RNF115: variants seen among roughly 807,000 people sequenced by gnomAD.
RNF115 encodes the protein ring finger protein 115.
Under a neutral mutation model 39.2 loss-of-function variants are expected in RNF115, and 31 were observed. The ratio of observed to expected loss-of-function variants is 0.79; its 90% CI spans 0.59 to 1.07. RNF115 has a LOEUF of 1.07. RNF115 is among the 50% of genes least tolerant of loss of function. The pLI is 0.00. For synonymous variants in RNF115, 124 were observed against 131.0 expected (o/e 0.95, Z 0.37); for missense variants, 384 against 381.7 (o/e 1.01, Z -0.05).
intron 4 of RNF115, among the ~76,000 whole-genome samples, chr1:145,769,185 C>T (rs1553715414): frequency 2.0e-5 from 3 of 152,140 alleles, no homozygotes; most frequent in Admixed American, 2.0e-4. Flanking sequence ...ACTATCCTGG[C>T]TCCAATATTT....
At chr1:145,770,321 T>C (rs887124752) in intron 4 of RNF115, among the ~76,000 whole-genome samples, 6 of 152,182 alleles carry the variant, frequency 3.9e-5, no homozygotes, top group African/African-American at 7.2e-5. Flanking sequence ...AACGCAAGTA[T>C]AGTAAAATGT....
chr1:145,775,367 TATAATA>T (rs1242554777), intron 3 of RNF115, among the ~76,000 whole-genome samples: 2 of 150,936 alleles, frequency 1.3e-5, no homozygotes, highest in African/African-American at 2.4e-5. Flanking sequence ...TATAACAATA[TATAATA>T]ATAAAAGTTT....
At chr1:145,790,074 C>T (rs1328273569) in intron 1 of RNF115, among the ~76,000 whole-genome samples, 2 of 152,140 alleles carry the variant, frequency 1.3e-5, no homozygotes, top group African/African-American at 4.8e-5. Context: ...TCATAGCTAC[C>T]TAAGTGGTTT....
In RNF115 at chr1:145,746,800, T is replaced by A. The variant is rs1657893490; in HGVS notation, c.*66A>T. ...CTAAATCCATCTACTAATTTTTTGT[T>A]TTGATACAATTTACAGCTATGGTAA... On this transcript the variant is annotated 3_prime_UTR_variant, in exon 9 of 9. Coordinates refer to ENST00000582693, the MANE Select transcript of RNF115 (RefSeq NM_014455.4). 6.5e-7 allele frequency: 1 copy of A among 1,528,556 alleles called. No individual in the cohort carries two copies. The highest frequency in any genetic ancestry group is 8.9e-7 in the Non-Finnish European group (1 of 1,127,036). 94.7% of individuals were successfully genotyped at this position (1,528,556 alleles called of 1,614,324 possible). A position where few individuals can be genotyped will look rare whatever the true frequency, so the allele number is the denominator to read the frequency against.
Position 145,764,370 on chromosome 1 carries a change from C to T in RNF115, c.428+7341G>A, listed in dbSNP as rs587735201. Among the ~76,000 whole-genome samples, 348 of 145,596 alleles carry T rather than the reference C, an allele frequency of 2.4e-3. 2 individuals carry two copies. Among genetic ancestry groups the T allele is most frequent in the African/African-American group, 8.4e-3 (331 of 39,200 alleles). On this transcript the variant is annotated intron_variant, in intron 4 of 8. Transcript: ENST00000582693. The stretch of plus-strand genomic sequence containing the variant: ...GAAGTGAGGAGCGTCTCTGCCCGGC[C>T]GCCATCCCATCTAGGAAGTGAGGAG...
chr1:145,767,548 GCTC>G (rs1647399001), intron 4 of RNF115, among the ~76,000 whole-genome samples: 1 of 152,188 alleles, frequency 6.6e-6, no homozygotes, highest in African/African-American at 2.4e-5. Context: ...AGGCAGAGAC[GCTC>G]CTCACTTCCC....
chr1:145,808,753 T>C (rs1570689921), intron 1 of RNF115, among the ~76,000 whole-genome samples: 1 of 152,306 alleles, frequency 6.6e-6, no homozygotes, highest in African/African-American at 2.4e-5. Context: ...ACCTAACTTG[T>C]CTTAACTAGG....
intron 4 of RNF115, among the ~76,000 whole-genome samples, chr1:145,766,528 T>C (rs1177687532): frequency 1.1e-4 from 16 of 143,600 alleles, no homozygotes; most frequent in African/African-American, 3.4e-4. Context: ...CCAGACGGGG[T>C]GGTGGCCGGG....
rs781845806 is a variant in RNF115 at position 145,751,639 on chromosome 1, G to A, written c.501-129C>T. 1.8e-4 allele frequency: 100 copies of A among 549,018 alleles called. 1 individual carries two copies. The highest frequency in any genetic ancestry group is 1.8e-4 in the Non-Finnish European group (55 of 299,888). 34.0% of individuals were successfully genotyped at this position (549,018 alleles called of 1,614,324 possible). A position where few individuals can be genotyped will look rare whatever the true frequency, so the allele number is the denominator to read the frequency against. On this transcript the variant is annotated intron_variant, in intron 5 of 8. Coordinates refer to ENST00000582693, the MANE Select transcript of RNF115 (RefSeq NM_014455.4). ...AAAGTCACTAGTCCTCCAGGATCAA[G>A]AGGCAAAGAATTCTGTACATTTTCA...
At chr1:145,763,485 A>T (rs1436537801) in intron 4 of RNF115, among the ~76,000 whole-genome samples, 2 of 152,176 alleles carry the variant, frequency 1.3e-5, no homozygotes, top group Non-Finnish European at 2.9e-5. Context: ...ATCACTTGAG[A>T]TCAGGAGTTC....
chr1:145,792,027 G>A (rs1471199844), intron 1 of RNF115, among the ~76,000 whole-genome samples: 1 of 151,940 alleles, frequency 6.6e-6, no homozygotes, highest in Non-Finnish European at 1.5e-5. Context: ...GACCTCCAGG[G>A]CTCAGGCAAT....
At chr1:145,757,392 G>T (rs2101480902) in intron 4 of RNF115, among the ~76,000 whole-genome samples, 1 of 152,252 alleles carries the variant, frequency 6.6e-6, no homozygotes, top group South Asian at 2.1e-4. Context: ...TGGTGGATGT[G>T]GCTTTTGCCT....
At chr1:145,805,145 C>T (rs782588591) in intron 1 of RNF115, among the ~76,000 whole-genome samples, 26 of 152,042 alleles carry the variant, frequency 1.7e-4, no homozygotes, top group Admixed American at 3.3e-4. Flanking sequence ...AACTCTTCAT[C>T]GAAATAAAAG....
intron 3 of RNF115, among the ~76,000 whole-genome samples, chr1:145,777,264 A>T (rs2101544008): frequency 6.6e-6 from 1 of 152,326 alleles, no homozygotes; most frequent in South Asian, 2.1e-4. Context: ...CTGGCAGAAA[A>T]GTCAAGCACC....
intron 4 of RNF115, among the ~76,000 whole-genome samples, chr1:145,768,390 AC>A (rs1647480353): frequency 6.6e-6 from 1 of 152,188 alleles, no homozygotes. Context: ...ATCTCGGCTC[AC>A]TGCAACCTCC....
chr1:145,744,165 T>G lies in RNF115; in HGVS notation c.*2701A>C, dbSNP rs1295505103. The G allele has an allele frequency of 6.6e-6, 1 of 152,332 alleles. No homozygotes were observed. Among genetic ancestry groups the G allele is most frequent in the Non-Finnish European group, 1.5e-5 (1 of 68,056 alleles). The allele number at this position is 152,332 out of a possible 1,614,324, so 9.4% of individuals were successfully genotyped here. A position where few individuals can be genotyped will look rare whatever the true frequency, so the allele number is the denominator to read the frequency against. ...AACTACAACTGCCTGTCCTGGCATC[T>G]CCAGACACTGACAAGCAAATATGTC... On this transcript the variant is annotated 3_prime_UTR_variant, in exon 9 of 9. Coordinates refer to ENST00000582693, the MANE Select transcript of RNF115 (RefSeq NM_014455.4).
intron 2 of RNF115, among the ~76,000 whole-genome samples, chr1:145,785,317 T>C (rs781983183): frequency 1.3e-5 from 2 of 152,230 alleles, no homozygotes; most frequent in South Asian, 2.1e-4. Flanking sequence ...CTCAAATACA[T>C]GTAGAGTGTT....
At chr1:145,780,402 C>T (rs1381510365) in intron 3 of RNF115, among the ~76,000 whole-genome samples, 14 of 151,862 alleles carry the variant, frequency 9.2e-5, no homozygotes, top group African/African-American at 3.1e-4. Flanking sequence ...GGGCAGATCA[C>T]GAGGTCAGGA....
intron 1 of RNF115, among the ~76,000 whole-genome samples, chr1:145,820,869 T>C (rs369061954): frequency 0.27 from 39,171 of 142,668 alleles, 5,586 homozygotes; most frequent in Non-Finnish European, 0.35. Flanking sequence ...TGTATACATA[T>C]ATCAAATCAT....
Sources: allele counts gnomAD v4.1 joint callset (sites outside exome capture counted in the v4.1 genomes callset), GRCh38; gene constraint gnomAD v4.1.1; transcripts MANE v1.5; gene names NCBI Gene and HGNC (gene_info 2026-07-23, HGNC 2026-07-21).